The following PCDHGA3 variants were observed in gnomAD, a reference collection of about 807,000 sequenced individuals.
PCDHGA3 encodes the protein protocadherin gamma subfamily A, 3.
A neutral mutation model predicts 58.5 loss-of-function variants in PCDHGA3; 40 were observed. That is an observed-to-expected ratio of 0.68 (90% confidence interval 0.53 to 0.89). PCDHGA3 has a LOEUF of 0.89. Among genes scored for constraint, PCDHGA3 ranks in the 40% least tolerant of loss-of-function variants. The probability of loss-of-function intolerance (pLI) is 0.00; values close to 1 mark genes in which losing one functional copy is unlikely to be tolerated. For synonymous variants in PCDHGA3, 530 were observed against 525.7 expected (o/e 1.01, Z -0.11); for missense variants, 1,223 against 1,195.9 (o/e 1.02, Z -0.33).
rs1357399897 is a variant in PCDHGA3, at chr5:141,345,330, T to A, written c.1297T>A (p.Ser433Thr). The A allele has an allele frequency of 1.2e-5, 19 of 1,613,860 alleles. No homozygotes were observed. Among genetic ancestry groups the A allele is most frequent in the Non-Finnish European group, 1.4e-5 (17 of 1,179,912 alleles). ...RASDGGSPPL[S>T]TETHITLHVI... The stretch of plus-strand genomic sequence containing the variant: ...CTCAGATGGGGGAAGCCCGCCACTG[T>A]CCACAGAAACTCACATCACCCTGCA... The change falls in exon 1 of 4, where the codon TCC becomes ACC. Residue 433 changes from serine (S) to threonine (T), a missense_variant. Physicochemically the swap from Ser to Thr is moderately conservative, Grantham distance 58. This residue lies in a region of PCDHGA3 where 791 missense variants were observed against 708.5 expected (regional missense o/e 1.12). Transcript: ENST00000253812.
At chr5:141,380,168 G>T (rs1204513654) in intron 1 of PCDHGA3, among the ~76,000 whole-genome samples, 1 of 152,074 alleles carries the variant, frequency 6.6e-6, no homozygotes, top group Non-Finnish European at 1.5e-5. Flanking sequence ...TCAAAGGGCT[G>T]GGATTACAGG....
chr5:141,440,564 A>G (rs531383065), intron 1 of PCDHGA3: 1 of 152,248 alleles, frequency 6.6e-6, no homozygotes, highest in Admixed American at 6.5e-5. Context: ...TAAGTTACGT[A>G]TCTCTGAGTT....
At position 141,409,469 on chromosome 5, in the gene PCDHGA3, G is replaced by A. The variant is rs1477896340; in HGVS notation, c.2424+63012G>A. On this transcript the variant is annotated intron_variant, in intron 1 of 3. Coordinates refer to ENST00000253812, the MANE Select transcript of PCDHGA3 (RefSeq NM_018916.4). ...GACACCAGAATACAATGTCACCATC[G>A]TAGCCACTGACAGGGGCAAGCCGCC... 9 of 1,613,740 alleles carry A rather than the reference G, an allele frequency of 5.6e-6. No individual in the cohort carries two copies. The African/African-American group carries it at 1.1e-4, about 19-fold the overall frequency.
At chr5:141,510,296 G>A (rs999749575) in intron 3 of PCDHGA3, among the ~76,000 whole-genome samples, 6 of 149,608 alleles carry the variant, frequency 4.0e-5, no homozygotes, top group African/African-American at 1.5e-4. Flanking sequence ...AAAAAATGCT[G>A]TTTTGAAATG....
intron 3 of PCDHGA3, among the ~76,000 whole-genome samples, chr5:141,508,711 T>G (rs1201917424): frequency 6.6e-6 from 1 of 152,058 alleles, no homozygotes; most frequent in Admixed American, 6.5e-5. Flanking sequence ...CTCATTCTTT[T>G]CTGTGTGCAG....
Position 141,389,845 on chromosome 5 carries a change from C to A in PCDHGA3, c.2424+43388C>A, listed in dbSNP as rs572208776. 5.0e-5 allele frequency: 80 copies of A among 1,614,054 alleles called. No homozygotes were observed. In the Admixed American group the frequency reaches 1.3e-3, roughly 27 times the overall value. On this transcript the variant is annotated intron_variant, in intron 1 of 3. Transcript: ENST00000253812. ...GACGGTGGACAGCCACCACTCTCGG[C>A]CACTGCCACGTTGCACCTGGTCTTC...
chr5:141,381,798 C>CTCTTTCTT (rs372235829), intron 1 of PCDHGA3, among the ~76,000 whole-genome samples: 5 of 144,132 alleles, frequency 3.5e-5, no homozygotes, highest in African/African-American at 8.0e-5. Context: ...AGGCAATTCC[C>CTCTTTCTT]TCTTTCTTTC....
At chr5:141,423,384 C>G (rs1196881147) in intron 1 of PCDHGA3, 1 of 1,614,054 alleles carries the variant, frequency 6.2e-7, no homozygotes, top group Non-Finnish European at 8.5e-7. Context: ...GGCTGTGGCG[C>G]TGGCATAAGT....
chr5:141,351,140 A>G (rs1758654842), intron 1 of PCDHGA3: 1 of 1,613,922 alleles, frequency 6.2e-7, no homozygotes, highest in Non-Finnish European at 8.5e-7. Flanking sequence ...CAATCCAAAT[A>G]CTGGCGACAT....
At chr5:141,473,919 A>G (rs2099331297) in intron 1 of PCDHGA3, among the ~76,000 whole-genome samples, 1 of 152,172 alleles carries the variant, frequency 6.6e-6, no homozygotes, top group African/African-American at 2.4e-5. Flanking sequence ...TAAGAAAACT[A>G]TGAGCTGGGT....
rs1193620622 is a variant in PCDHGA3, at chr5:141,512,906, G to A, written c.*1733G>A. On this transcript the variant is annotated 3_prime_UTR_variant, in exon 4 of 4. Coordinates refer to ENST00000253812, the MANE Select transcript of PCDHGA3 (RefSeq NM_018916.4). ...CACCCTCTTCCTGTGTCTCACGCAA[G>A]TTTTATACTCTAATATTTATATGGC... 2.0e-5 allele frequency: 3 copies of A among 152,206 alleles called. No homozygotes were observed. Among genetic ancestry groups the A allele is most frequent in the African/African-American group, 7.2e-5 (3 of 41,438 alleles). The allele number at this position is 152,206 out of a possible 1,614,324, so 9.4% of individuals were successfully genotyped here.
At chr5:141,481,943 G>C (rs1454871018) in intron 1 of PCDHGA3, among the ~76,000 whole-genome samples, 1 of 148,544 alleles carries the variant, frequency 6.7e-6, no homozygotes, top group South Asian at 2.1e-4. Context: ...AAATCAGCCA[G>C]ATGTGGTGGC....
chr5:141,462,393 C>A (rs1465154354), intron 1 of PCDHGA3, among the ~76,000 whole-genome samples: 4 of 152,062 alleles, frequency 2.6e-5, no homozygotes, highest in African/African-American at 9.7e-5. Flanking sequence ...GTTAACATTT[C>A]TTTTATGGCA....
intron 1 of PCDHGA3, among the ~76,000 whole-genome samples, chr5:141,457,319 G>A (rs914658873): frequency 7.9e-5 from 12 of 152,086 alleles, no homozygotes; most frequent in East Asian, 3.8e-4. Flanking sequence ...AGAAACCTCC[G>A]GGTTACAGGT....
At chr5:141,423,429 A>G (rs1590473158) in intron 1 of PCDHGA3, 2 of 1,613,960 alleles carry the variant, frequency 1.2e-6, no homozygotes, top group African/African-American at 1.3e-5. Flanking sequence ...GCGGGTTGGC[A>G]GGTATGCCCA....
At chr5:141,397,546 T>C (rs576089094) in intron 1 of PCDHGA3, among the ~76,000 whole-genome samples, 2 of 152,300 alleles carry the variant, frequency 1.3e-5, no homozygotes, top group South Asian at 2.1e-4. Flanking sequence ...GAAATCAGTA[T>C]AGTATGAAGG....
intron 1 of PCDHGA3, chr5:141,370,545 G>T (rs768607566): frequency 6.2e-7 from 1 of 1,613,866 alleles, no homozygotes; most frequent in Non-Finnish European, 8.5e-7. Flanking sequence ...AGGGAACCTC[G>T]CCAAGGACCT....
intron 1 of PCDHGA3, among the ~76,000 whole-genome samples, chr5:141,406,616 T>C (rs1226509680): frequency 1.3e-5 from 2 of 152,242 alleles, no homozygotes; most frequent in Non-Finnish European, 2.9e-5. Flanking sequence ...ACATCTTTTA[T>C]TCTCATATCT....
Position 141,485,168 on chromosome 5 carries a change from G to A in PCDHGA3, c.2425-9639G>A. The A allele has an allele frequency of 6.2e-7, 1 of 1,608,668 alleles. No individual in the cohort carries two copies. Among genetic ancestry groups the A allele is most frequent in the Non-Finnish European group, 8.5e-7 (1 of 1,175,736 alleles). ...GGAGCAAGTAGAGAATTAGCGGGCG[G>A]CAGCAATGCTCCGCAAGGTGAGAAG... is the stretch of plus-strand genomic sequence containing the variant. On this transcript the variant is annotated intron_variant, in intron 1 of 3. Coordinates refer to ENST00000253812, the MANE Select transcript of PCDHGA3 (RefSeq NM_018916.4). This position sits in a 1 kb window ranked among gnomAD's most constrained non-coding sequence, Gnocchi z 5.7.
Sources: gnomAD v4.1 joint callset for allele counts (sites outside exome capture counted in the v4.1 genomes callset) on GRCh38, gnomAD v4.1.1 for gene constraint, gnomAD v4.1.1 regional missense constraint, Gnocchi (gnomAD v3.1) non-coding constraint, MANE v1.5 for transcripts, NCBI Gene and HGNC (gene_info 2026-07-23, HGNC 2026-07-21) for gene names.